EIF4E3: variants seen among roughly 807,000 people sequenced by gnomAD.
EIF4E3 encodes the protein eukaryotic translation initiation factor 4E type 3.
Under a neutral mutation model 31.7 loss-of-function variants are expected in EIF4E3, and 26 were observed. The observed-to-expected ratio is 0.82, with a 90% CI of 0.60 to 1.14. The LOEUF (loss-of-function observed/expected upper bound fraction) is 1.14. Among genes scored for constraint, EIF4E3 ranks in the 50% most tolerant of loss-of-function variants. The probability of loss-of-function intolerance (pLI) is 0.00; values close to 1 mark genes in which losing one functional copy is unlikely to be tolerated. For synonymous variants in EIF4E3, 128 were observed against 107.7 expected (o/e 1.19, Z -1.17); for missense variants, 304 against 270.9 (o/e 1.12, Z -0.86).
chr3:71,710,634 A>C, intron 1 of EIF4E3, 150 bp from the exon 2 acceptor site: 1 of 695,338 alleles, frequency 1.4e-6, no homozygotes. Context: ...GGAATTTAAA[A>C]TGTGAAATCC....
rs1001427813 is a variant in EIF4E3, at chr3:71,725,391, C to CG, written c.-25dup. The CG allele has an allele frequency of 1.3e-5, 13 of 976,588 alleles. No homozygotes were observed. The Admixed American group carries it at 2.6e-4, about 19-fold the overall frequency. 60.5% of individuals were successfully genotyped at this position (976,588 alleles called of 1,614,324 possible). ...ATTTTCTCCGCCCCGCCTGCAAGGC[C>CG]GGCGGACGCGCGGACCGCGGGGCGA... On this transcript the variant is annotated 5_prime_UTR_variant, in exon 1 of 7. Coordinates refer to ENST00000425534, the MANE Select transcript of EIF4E3 (RefSeq NM_001134651.2). This position sits in a 1 kb window ranked among gnomAD's most constrained non-coding sequence, Gnocchi z 6.1.
At chr3:71,666,740 C>T in the EIF4E3 span, among the ~76,000 whole-genome samples, 1 of 152,098 alleles carries the variant, frequency 6.6e-6, no homozygotes, top group Non-Finnish European at 1.5e-5. Context: ...AGTTCAACAC[C>T]AGCCTGGCTA....
At chr3:71,749,254 G>A (rs1211442039) in intron 1 of EIF4E3, among the ~76,000 whole-genome samples, 2 of 152,152 alleles carry the variant, frequency 1.3e-5, no homozygotes, top group Admixed American at 1.3e-4. Context: ...GGTACAATCT[G>A]GTTCATGTAC....
chr3:71,711,453 T>G (rs377055689), intron 1 of EIF4E3, among the ~76,000 whole-genome samples: 2 of 152,166 alleles, frequency 1.3e-5, no homozygotes, highest in East Asian at 3.9e-4. Flanking sequence ...ATAAAAGCAA[T>G]GCTCTTTACC....
At chr3:71,754,144 G>A, upstream of EIF4E3, 1 of 1,458,138 alleles carries the variant, frequency 6.9e-7, no homozygotes, top group Non-Finnish European at 9.1e-7. This position sits in a 1 kb window ranked among gnomAD's most constrained non-coding sequence, Gnocchi z 5.8. Flanking sequence ...CTGTGCGTGA[G>A]CCTAGCGGGC....
At chr3:71,663,970 G>T in the EIF4E3 span, among the ~76,000 whole-genome samples, 1 of 152,160 alleles carries the variant, frequency 6.6e-6, no homozygotes, top group Non-Finnish European at 1.5e-5. Context: ...AAGTGGGCAG[G>T]GAGAGGGAGG....
intron 1 of EIF4E3, among the ~76,000 whole-genome samples, chr3:71,739,660 A>G (rs58436523): frequency 0.19 from 28,907 of 151,872 alleles, 2,769 homozygotes; most frequent in East Asian, 0.31. Flanking sequence ...TGGCACCACT[A>G]CACTCTAGCC....
At chr3:71,751,796 T>A (rs1426733665) in intron 1 of EIF4E3, among the ~76,000 whole-genome samples, 2 of 152,176 alleles carry the variant, frequency 1.3e-5, no homozygotes, top group African/African-American at 4.8e-5. Context: ...AAATGATGGC[T>A]GGGGCGTCGG....
intron 1 of EIF4E3, 48 bp from the exon 2 acceptor site, chr3:71,710,532 G>A (rs567776843): frequency 3.2e-6 from 5 of 1,541,410 alleles, no homozygotes; most frequent in Middle Eastern, 1.9e-4. Flanking sequence ...CAAGCAGTCA[G>A]TGCTCACAAA....
At chr3:71,706,535 T>TA (rs1336309597) in intron 2 of EIF4E3, among the ~76,000 whole-genome samples, 5 of 152,082 alleles carry the variant, frequency 3.3e-5, no homozygotes, top group African/African-American at 1.2e-4. Context: ...AGGATCAACG[T>TA]ACAGGCCAAA....
the EIF4E3 span, among the ~76,000 whole-genome samples, chr3:71,666,515 A>G: frequency 6.6e-6 from 1 of 152,240 alleles, no homozygotes; most frequent in Admixed American, 6.5e-5. Context: ...TACCAGAGTT[A>G]CAAAGAGGAG....
intron 1 of EIF4E3, among the ~76,000 whole-genome samples, chr3:71,717,420 T>C (rs2049482140): frequency 6.6e-6 from 1 of 152,216 alleles, no homozygotes; most frequent in African/African-American, 2.4e-5. Context: ...GAAGAAGTTA[T>C]CCTTATATGT....
chr3:71,701,075 C>T (rs1460510855), intron 2 of EIF4E3, among the ~76,000 whole-genome samples: 1 of 152,198 alleles, frequency 6.6e-6, no homozygotes, highest in East Asian at 1.9e-4. Flanking sequence ...GCACCCTCAT[C>T]TCAGACTTCC....
intron 1 of EIF4E3, among the ~76,000 whole-genome samples, chr3:71,714,699 T>A (rs2049439002): frequency 6.6e-6 from 1 of 152,202 alleles, no homozygotes; most frequent in Non-Finnish European, 1.5e-5. Context: ...CTGAGATTTT[T>A]AAATGATCTG....
At chr3:71,660,330 TG>T in the EIF4E3 span, among the ~76,000 whole-genome samples, 1 of 149,580 alleles carries the variant, frequency 6.7e-6, no homozygotes, top group East Asian at 2.0e-4. Context: ...AAAGTGAAGC[TG>T]AAAAAAAAAA....
At chr3:71,716,157 T>G (rs887656057) in intron 1 of EIF4E3, among the ~76,000 whole-genome samples, 1 of 151,686 alleles carries the variant, frequency 6.6e-6, no homozygotes, top group Non-Finnish European at 1.5e-5. Flanking sequence ...GCCACTAGAA[T>G]CCCTGGCAAA....
intron 1 of EIF4E3, among the ~76,000 whole-genome samples, chr3:71,749,663 C>G (rs57181874): frequency 0.016 from 2,481 of 151,676 alleles, 65 homozygotes; most frequent in African/African-American, 0.057. Context: ...ACCATCTATA[C>G]GTACATCAAA....
rs113183878 is a variant in EIF4E3 at position 71,692,103 on chromosome 3, G to A, written c.472+1772C>T. On this transcript the variant is annotated intron_variant, in intron 5 of 6. Transcript: ENST00000425534. ...AGCACAGCACTTTCACAAATGGCTCGGTAAAAAAAGGCTGCAACTCTTATC... is the reference window on the plus strand; with the variant it reads ...AGCACAGCACTTTCACAAATGGCTCAGTAAAAAAAGGCTGCAACTCTTATC... Among the ~76,000 whole-genome samples, 7 of 152,166 alleles carry A rather than the reference G, an allele frequency of 4.6e-5. No individual in the cohort carries two copies. The East Asian group carries it at 5.8e-4, about 13-fold the overall frequency.
chr3:71,689,867 A>AC (rs34621679), intron 6 of EIF4E3, 143 bp downstream of exon 6: 44,959 of 796,768 alleles, frequency 0.056, 3,046 homozygotes, highest in East Asian at 0.44. Context: ...AAAAAAAAAA[A>AC]ACTTAAATGT....
Sources: allele counts gnomAD v4.1 joint callset (sites outside exome capture counted in the v4.1 genomes callset), GRCh38; gene constraint gnomAD v4.1.1; non-coding constraint Gnocchi (gnomAD v3.1); transcripts MANE v1.5; gene names NCBI Gene and HGNC (gene_info 2026-07-23, HGNC 2026-07-21).